The following MYO3B variants were observed in gnomAD, a reference collection of about 807,000 sequenced individuals.
The protein encoded by MYO3B is myosin-IIIb.
In MYO3B, 156 loss-of-function variants were observed where a neutral mutation model predicts 174.6. The ratio of observed to expected loss-of-function variants is 0.89; its 90% confidence interval spans 0.78 to 1.02. MYO3B has a LOEUF of 1.02. MYO3B is among the 50% of genes least tolerant of loss of function. MYO3B has a pLI of 0.00. For missense variants in MYO3B, 1,632 were observed against 1,639.4 expected, an observed-to-expected ratio of 1.00 and a Z score of 0.08; for synonymous variants, 563 against 569.1, an observed-to-expected ratio of 0.99 and a Z score of 0.15.
At chr2:170,366,886 A>G (rs150319217) in intron 8 of MYO3B, among the ~76,000 whole-genome samples, 7 of 152,246 alleles carry the variant, frequency 4.6e-5, no homozygotes, top group Admixed American at 4.6e-4. Flanking sequence ...GCATCTTTTC[A>G]TAAGGCTGGA....
chr2:170,396,186 A>C (rs1334543356), intron 16 of MYO3B, among the ~76,000 whole-genome samples: 2 of 152,254 alleles, frequency 1.3e-5, no homozygotes, highest in African/African-American at 2.4e-5. Flanking sequence ...GCAGCGTAGC[A>C]AGATTCTGCA....
chr2:170,298,544 G>T (rs145325938), intron 7 of MYO3B, among the ~76,000 whole-genome samples: 1 of 151,602 alleles, frequency 6.6e-6, no homozygotes, highest in Non-Finnish European at 1.5e-5. Flanking sequence ...GTGTGCTGGC[G>T]GGGACCTGTA....
intron 32 of MYO3B, among the ~76,000 whole-genome samples, chr2:170,572,777 C>G (rs1436029878): frequency 1.3e-5 from 2 of 152,112 alleles, no homozygotes; most frequent in African/African-American, 4.8e-5. Context: ...ACATAAATAT[C>G]TACAAATATG....
chr2:170,529,035 C>CA (rs1396356338), intron 30 of MYO3B, among the ~76,000 whole-genome samples: 3 of 152,116 alleles, frequency 2.0e-5, no homozygotes, highest in Non-Finnish European at 4.4e-5. Flanking sequence ...CTCAAGATTC[C>CA]AAAAAATTGC....
At chr2:170,296,404 A>G (rs2093629103) in intron 7 of MYO3B, among the ~76,000 whole-genome samples, 1 of 152,220 alleles carries the variant, frequency 6.6e-6, no homozygotes, top group South Asian at 2.1e-4. Flanking sequence ...CTACACTCAC[A>G]TGGTACACCA....
chr2:170,369,056 A>G (rs1209974809), intron 8 of MYO3B, among the ~76,000 whole-genome samples, 166 bp from the exon 9 acceptor site: 2 of 152,260 alleles, frequency 1.3e-5, no homozygotes, highest in Non-Finnish European at 2.9e-5. Context: ...GAGAATTACT[A>G]TTTTTCTGTT....
chr2:170,253,517 A>G (rs73027167), intron 7 of MYO3B, among the ~76,000 whole-genome samples: 3,880 of 152,260 alleles, frequency 0.025, 160 homozygotes, highest in African/African-American at 0.087. Flanking sequence ...TCTGGAGTTC[A>G]GTGGAGACAC....
chr2:170,255,536 A>C (rs148805116), intron 7 of MYO3B, among the ~76,000 whole-genome samples: 1 of 152,178 alleles, frequency 6.6e-6, no homozygotes. Flanking sequence ...AATTAGCTAC[A>C]ACCAAGGAAC....
chr2:170,382,788 T>G lies in MYO3B; in HGVS notation c.1069-285T>G. On this transcript the variant is annotated intron_variant, in intron 10 of 34. Transcript: ENST00000408978. ...AACATTTTGACTGGTTGAGATGAGT[T>G]TTTTTTTCACAATAACAAGTAAAAT... 3 of 135,370 alleles carry G rather than the reference T, an allele frequency of 2.2e-5. No individual in the cohort carries two copies. In the East Asian group the frequency reaches 4.1e-4, roughly 18 times the overall value. The allele number at this position is 135,370 out of a possible 1,614,324, so 8.4% of individuals were successfully genotyped here. A position where few individuals can be genotyped will look rare whatever the true frequency, so the allele number is the denominator to read the frequency against.
At chr2:170,583,725 A>T (rs1693311352) in intron 32 of MYO3B, among the ~76,000 whole-genome samples, 1 of 152,170 alleles carries the variant, frequency 6.6e-6, no homozygotes, top group Non-Finnish European at 1.5e-5. Context: ...AGTATCTAAA[A>T]TATCTAGTAT....
At chr2:170,268,652 A>G (rs1159080503) in intron 7 of MYO3B, among the ~76,000 whole-genome samples, 1 of 152,188 alleles carries the variant, frequency 6.6e-6, no homozygotes, top group Non-Finnish European at 1.5e-5. Flanking sequence ...CTTTAGTCCT[A>G]TAGTTGTCTA....
chr2:170,628,408 A>AG (rs1696650597), intron 32 of MYO3B, among the ~76,000 whole-genome samples: 1 of 152,198 alleles, frequency 6.6e-6, no homozygotes, highest in Admixed American at 6.5e-5. Context: ...GCACAGTATT[A>AG]GGGTGGGAGT....
chr2:170,326,599 C>A (rs1412740292), intron 7 of MYO3B, among the ~76,000 whole-genome samples: 1 of 152,244 alleles, frequency 6.6e-6, no homozygotes, highest in African/African-American at 2.4e-5. Flanking sequence ...TCTCTATTGA[C>A]ATGGCACCTT....
chr2:170,239,687 A>G (rs893907075), intron 7 of MYO3B, among the ~76,000 whole-genome samples: 1 of 152,242 alleles, frequency 6.6e-6, no homozygotes, highest in African/African-American at 2.4e-5. Context: ...ATTTCCCTGC[A>G]GTACACAATT....
chr2:170,241,512 G>A (rs547558993), intron 7 of MYO3B, among the ~76,000 whole-genome samples: 2 of 152,312 alleles, frequency 1.3e-5, no homozygotes, highest in South Asian at 4.1e-4. Context: ...GCTTGGGTTG[G>A]GTGCTTGAGT....
chr2:170,633,407 A>T (rs758624216), intron 32 of MYO3B, among the ~76,000 whole-genome samples: 1 of 152,244 alleles, frequency 6.6e-6, no homozygotes, highest in Middle Eastern at 3.2e-3. Context: ...AAGGCCTTGG[A>T]TATAATTCAA....
intron 7 of MYO3B, among the ~76,000 whole-genome samples, chr2:170,252,156 A>T (rs1260190273): frequency 6.6e-6 from 1 of 152,248 alleles, no homozygotes; most frequent in Admixed American, 6.5e-5. Context: ...TGAAGATCAC[A>T]GTCCTCCTGC....
At chr2:170,230,064 G>T (rs2092997117) in intron 6 of MYO3B, among the ~76,000 whole-genome samples, 1 of 151,904 alleles carries the variant, frequency 6.6e-6, no homozygotes, top group South Asian at 2.1e-4. Flanking sequence ...TTCCAGAGAA[G>T]TTCTATTTTA....
chr2:170,510,784 T>C lies in MYO3B; in HGVS notation c.3371-4137T>C, dbSNP rs1293453321. Among the ~76,000 whole-genome samples, 3 of 152,188 alleles carry C rather than the reference T, an allele frequency of 2.0e-5. No homozygotes were observed. The East Asian group carries it at 5.8e-4, about 29-fold the overall frequency. ...GGGTTTTCTGTCCTATAGTCTTACC[T>C]CTTCCAGAGTCTTGTCCTTATAGTC... On this transcript the variant is annotated intron_variant, in intron 28 of 34. Coordinates refer to ENST00000408978, the MANE Select transcript of MYO3B (RefSeq NM_138995.5).
Sources: gnomAD v4.1 joint callset for allele counts (sites outside exome capture counted in the v4.1 genomes callset) on GRCh38, gnomAD v4.1.1 for gene constraint, MANE v1.5 for transcripts, NCBI Gene and HGNC (gene_info 2026-07-23, HGNC 2026-07-21) for gene names.